Variants in LPP observed in about 807,000 individuals in gnomAD.
LPP encodes the protein LIM domain containing preferred translocation partner in lipoma.
LPP carries 38 observed loss-of-function variants against 60.4 expected under a neutral mutation model. That is an observed-to-expected ratio of 0.63 (90% CI 0.49 to 0.83). The LOEUF (loss-of-function observed/expected upper bound fraction) is 0.83, where lower values mean the gene tolerates loss of function less well. Among genes scored for constraint, LPP ranks in the 40% least tolerant of loss-of-function variants. The pLI is 0.00. For synonymous variants in LPP, 328 were observed against 290.8 expected, an observed-to-expected ratio of 1.13 and a Z score of -1.30; for missense variants, 902 against 783.6, an observed-to-expected ratio of 1.15 and a Z score of -1.80.
At position 188,880,928 on chromosome 3, in the gene LPP, A is replaced by G. The variant is rs1350674953; in HGVS notation, c.*6449A>G. ...GGCCGATCACGAGGTCAGGAGATCGAGACCATCCTGGCTAACACGGTGAAA... is the reference window on the plus strand; with the variant it reads ...GGCCGATCACGAGGTCAGGAGATCGGGACCATCCTGGCTAACACGGTGAAA... On this transcript the variant is annotated 3_prime_UTR_variant, in exon 12 of 12. Coordinates refer to ENST00000617246, the MANE Select transcript of LPP (RefSeq NM_001375462.1). 6.0e-6 allele frequency: 1 copy of G among 166,316 alleles called. No homozygotes were observed. The highest frequency in any genetic ancestry group is 1.3e-5 in the Non-Finnish European group (1 of 76,536). 10.3% of individuals were successfully genotyped at this position (166,316 alleles called of 1,614,324 possible).
intron 2 of LPP, among the ~76,000 whole-genome samples, chr3:188,225,914 T>A (rs1717559823): frequency 6.6e-6 from 1 of 152,190 alleles, no homozygotes; most frequent in African/African-American, 2.4e-5. Context: ...CACTGAACAG[T>A]GTTTGGGCAT....
chr3:188,521,697 A>G (rs1415805878), intron 5 of LPP, among the ~76,000 whole-genome samples: 1 of 152,172 alleles, frequency 6.6e-6, no homozygotes, highest in Non-Finnish European at 1.5e-5. Context: ...GTATTTTCCC[A>G]TCCATTTTCT....
At chr3:188,741,816 T>C (rs1212064804) in intron 8 of LPP, among the ~76,000 whole-genome samples, 1 of 151,994 alleles carries the variant, frequency 6.6e-6, no homozygotes, top group African/African-American at 2.4e-5. Flanking sequence ...ACTCTAAAAC[T>C]TGTTTTTTAA....
chr3:188,293,175 A>G (rs995561182), intron 2 of LPP, among the ~76,000 whole-genome samples: 4 of 152,218 alleles, frequency 2.6e-5, no homozygotes, highest in Non-Finnish European at 5.9e-5. Flanking sequence ...ATTAATTATA[A>G]TGGTGGCGCA....
chr3:188,640,492 C>A (rs1464885019), intron 7 of LPP, among the ~76,000 whole-genome samples: 2 of 147,758 alleles, frequency 1.4e-5, no homozygotes, highest in Non-Finnish European at 3.0e-5. Context: ...ACAATGTGCA[C>A]ATGTACCCTA....
At chr3:188,536,069 C>T (rs1239561368) in intron 6 of LPP, among the ~76,000 whole-genome samples, 1 of 141,622 alleles carries the variant, frequency 7.1e-6, no homozygotes, top group African/African-American at 2.6e-5. Flanking sequence ...AGTGCAATGG[C>T]ATGATCTCAT....
At chr3:188,474,091 T>C (rs1334515529) in intron 4 of LPP, among the ~76,000 whole-genome samples, 1 of 152,240 alleles carries the variant, frequency 6.6e-6, no homozygotes, top group Non-Finnish European at 1.5e-5. Flanking sequence ...AGTGGCAAAG[T>C]TGACCATGGG....
rs968058672 is a variant in LPP, at chr3:188,760,177, G to C, written c.1305G>C (p.Gln435His). The C allele has an allele frequency of 1.9e-6, 3 of 1,614,070 alleles. No individual in the cohort carries two copies. Among genetic ancestry groups the C allele is most frequent in the Non-Finnish European group, 2.5e-6 (3 of 1,179,990 alleles). Residue 435 changes from glutamine to histidine, a missense_variant, in exon 9 of 12, where the codon CAG becomes CAC. Gln to His is a conservative substitution (Grantham distance 24). Transcript: ENST00000617246. ...GEGTGCTAMDQVFHVDCFTCI... is the reference protein window; with the variant it reads ...GEGTGCTAMDHVFHVDCFTCI... ...GTACAGGATGCACTGCCATGGATCA[G>C]GTCTTCCACGTGGATTGTTTTACCT...
At chr3:188,646,315 C>T in intron 7 of LPP, among the ~76,000 whole-genome samples, 1 of 152,140 alleles carries the variant, frequency 6.6e-6, no homozygotes, top group East Asian at 1.9e-4. Flanking sequence ...ATATGGTAAA[C>T]AGAACCATAC....
chr3:188,288,675 C>CT (rs1186434242), intron 2 of LPP, among the ~76,000 whole-genome samples: 2 of 152,120 alleles, frequency 1.3e-5, no homozygotes, highest in Admixed American at 1.3e-4. Flanking sequence ...TACATACATA[C>CT]TTTTTCTTTT....
chr3:188,740,726 A>G (rs763752886), intron 8 of LPP, among the ~76,000 whole-genome samples: 4 of 151,962 alleles, frequency 2.6e-5, no homozygotes, highest in South Asian at 2.1e-4. Flanking sequence ...TAAAATTCCT[A>G]TCTTTCTGGA....
intron 9 of LPP, among the ~76,000 whole-genome samples, chr3:188,824,077 A>G (rs1391745212): frequency 6.6e-6 from 1 of 152,214 alleles, no homozygotes; most frequent in African/African-American, 2.4e-5. Context: ...AGAGAGCCAG[A>G]AAAATAACCG....
chr3:188,492,741 A>G (rs779583113), intron 5 of LPP, among the ~76,000 whole-genome samples: 8 of 152,222 alleles, frequency 5.3e-5, no homozygotes, highest in African/African-American at 1.9e-4. Context: ...AAATCAAACG[A>G]TGTAGATTAG....
At chr3:188,377,089 G>A (rs1454965744) in intron 3 of LPP, among the ~76,000 whole-genome samples, 3 of 152,206 alleles carry the variant, frequency 2.0e-5, no homozygotes, top group Admixed American at 1.3e-4. Context: ...TTAGTCTGAT[G>A]TGCTTCCCTT....
intron 1 of LPP, among the ~76,000 whole-genome samples, chr3:188,154,588 A>G (rs538396155): frequency 6.6e-6 from 1 of 152,328 alleles, no homozygotes; most frequent in South Asian, 2.1e-4. Flanking sequence ...GTCACAGCGG[A>G]AAGGGCCTAG....
intron 2 of LPP, among the ~76,000 whole-genome samples, chr3:188,239,072 A>T (rs1722906810): frequency 6.6e-6 from 1 of 152,232 alleles, no homozygotes; most frequent in African/African-American, 2.4e-5. Context: ...CAGCTCTAAG[A>T]GATGGGGGCA....
chr3:188,746,282 T>C (rs1342726106), intron 8 of LPP, among the ~76,000 whole-genome samples: 1 of 152,162 alleles, frequency 6.6e-6, no homozygotes, highest in Non-Finnish European at 1.5e-5. Flanking sequence ...CTCTCTCTAA[T>C]GCCTATAAGG....
chr3:188,871,356 C>G (rs187353392), intron 10 of LPP, among the ~76,000 whole-genome samples: 1 of 152,182 alleles, frequency 6.6e-6, no homozygotes, highest in Non-Finnish European at 1.5e-5. Flanking sequence ...CCAATTATAA[C>G]AACTCTGATT....
chr3:188,304,412 G>C (rs960356570), intron 2 of LPP, among the ~76,000 whole-genome samples: 2 of 152,126 alleles, frequency 1.3e-5, no homozygotes, highest in Non-Finnish European at 2.9e-5. Flanking sequence ...GCAGAACCAG[G>C]AGTATAATGC....
Sources: gnomAD v4.1 joint callset for allele counts (sites outside exome capture counted in the v4.1 genomes callset) on GRCh38, gnomAD v4.1.1 for gene constraint, MANE v1.5 for transcripts, NCBI Gene and HGNC (gene_info 2026-07-23, HGNC 2026-07-21) for gene names.